LRRC49: variants seen among roughly 807,000 people sequenced by gnomAD.
LRRC49 encodes the protein leucine-rich repeat-containing protein 49.
A neutral mutation model predicts 83.3 loss-of-function variants in LRRC49; 50 were observed. The observed-to-expected ratio is 0.60, with a 90% confidence interval of 0.48 to 0.76. LRRC49 has a LOEUF of 0.76. LRRC49 is among the 30% of genes least tolerant of loss of function. The pLI, the probability that LRRC49 is intolerant of heterozygous loss-of-function variation, is 0.00. For missense variants in LRRC49, 704 were observed against 809.1 expected (o/e 0.87, Z 1.58); for synonymous variants, 286 against 283.3 (o/e 1.01, Z -0.10).
chr15:70,889,978 TCA>T (rs1299941677), upstream of LRRC49, among the ~76,000 whole-genome samples: 1 of 152,212 alleles, frequency 6.6e-6, no homozygotes, highest in African/African-American at 2.4e-5. Context: ...ATTTTAGAAC[TCA>T]CAGTTTTCTA....
chr15:70,976,343 G>GA (rs541586966), intron 9 of LRRC49, among the ~76,000 whole-genome samples: 26 of 152,230 alleles, frequency 1.7e-4, no homozygotes, highest in Non-Finnish European at 2.4e-4. Flanking sequence ...CTCTTTGAGG[G>GA]AAAAAACCCT....
chr15:70,922,150 A>G (rs982152549), intron 7 of LRRC49, among the ~76,000 whole-genome samples: 10 of 152,194 alleles, frequency 6.6e-5, no homozygotes, highest in Non-Finnish European at 1.0e-4. Context: ...TTGAGCTACC[A>G]TATGATCCAG....
chr15:71,019,640 C>A (rs1267661938), intron 14 of LRRC49, among the ~76,000 whole-genome samples: 2 of 152,294 alleles, frequency 1.3e-5, no homozygotes, highest in East Asian at 1.9e-4. Flanking sequence ...CTCTTCTCCC[C>A]ACTCAGGAAT....
chr15:70,944,142 C>A (rs2035922640), intron 8 of LRRC49, among the ~76,000 whole-genome samples: 1 of 152,118 alleles, frequency 6.6e-6, no homozygotes, highest in African/African-American at 2.4e-5. Context: ...GCCTCTAGTA[C>A]ATGAGAGAAA....
At chr15:70,859,442 G>T in intron 1 of LRRC49, 1 of 728,110 alleles carries the variant, frequency 1.4e-6, no homozygotes, top group South Asian at 1.4e-5. Flanking sequence ...GGACATATCT[G>T]TGGTGCTGTC....
At position 70,853,952 on chromosome 15, in the gene LRRC49, G is replaced by A. The variant is rs2032569165; in HGVS notation, c.-299+483G>A. On this transcript the variant is annotated intron_variant, in intron 1 of 16. Transcript: ENST00000544974. ...CCAGCCGGGGCTGAGGTACCGGGCC[G>A]GGTCCCCGGCGCCCCGAGTCTCCGC... is the stretch of plus-strand genomic sequence containing the variant. 3 of 1,450,570 alleles carry A rather than the reference G, an allele frequency of 2.1e-6. No individual in the cohort carries two copies. The African/African-American group carries it at 4.4e-5, about 21-fold the overall frequency. 89.9% of individuals were successfully genotyped at this position (1,450,570 alleles called of 1,614,324 possible). A position where few individuals can be genotyped will look rare whatever the true frequency, so the allele number is the denominator to read the frequency against.
At chr15:70,887,745 T>C (rs2033448780), upstream of LRRC49, among the ~76,000 whole-genome samples, 1 of 152,190 alleles carries the variant, frequency 6.6e-6, no homozygotes, top group African/African-American at 2.4e-5. Flanking sequence ...TTCAAGCCAG[T>C]GCAACAGGAA....
Position 71,021,348 on chromosome 15 carries a change from C to A in LRRC49, c.1703+8435C>A, listed in dbSNP as rs1934796399. Among the ~76,000 whole-genome samples the A allele has an allele frequency of 2.0e-5, 3 of 152,102 alleles. No individual in the cohort carries two copies. In the South Asian group the frequency reaches 6.2e-4, roughly 32 times the overall value. On this transcript the variant is annotated intron_variant, in intron 14 of 15. Coordinates refer to ENST00000260382, the MANE Select transcript of LRRC49 (RefSeq NM_017691.5). Reference sequence around the variant, plus strand: ...TAGATATTAGTGGGTTAATGTTGTTCATGTTGTAATTTCTATGGTAACCAA... The same window carrying A: ...TAGATATTAGTGGGTTAATGTTGTTAATGTTGTAATTTCTATGGTAACCAA...
intron 3 of LRRC49, among the ~76,000 whole-genome samples, chr15:70,897,453 A>G: frequency 6.6e-6 from 1 of 152,160 alleles, no homozygotes; most frequent in East Asian, 1.9e-4. Context: ...GTTACTTTCA[A>G]TGTGCTCCCT....
chr15:70,860,141 C>T, intron 1 of LRRC49: 1 of 696,176 alleles, frequency 1.4e-6, no homozygotes, highest in South Asian at 1.6e-5. Flanking sequence ...TGTCCAAGTC[C>T]TCTGACATCC....
intron 8 of LRRC49, among the ~76,000 whole-genome samples, chr15:70,958,481 A>G (rs1238539079): frequency 6.6e-6 from 1 of 152,110 alleles, no homozygotes; most frequent in African/African-American, 2.4e-5. Context: ...GAAATAAAAC[A>G]TTGCCTTCAG....
Position 70,893,450 on chromosome 15 carries a change from A to G in LRRC49, c.49-134A>G, listed in dbSNP as rs2033675409. On this transcript the variant is annotated intron_variant, in intron 1 of 15. Coordinates refer to ENST00000260382, the MANE Select transcript of LRRC49 (RefSeq NM_017691.5). ...GTTTTCAGCAAATCCTCAGAACAAG[A>G]TCATTTACCAGAAACAGAAATAGAG... 3.9e-5 allele frequency: 26 copies of G among 666,244 alleles called. No homozygotes were observed. In the South Asian group the frequency reaches 4.5e-4, roughly 11 times the overall value. 41.3% of individuals were successfully genotyped at this position (666,244 alleles called of 1,614,324 possible). A position where few individuals can be genotyped will look rare whatever the true frequency, so the allele number is the denominator to read the frequency against.
chr15:70,947,230 A>G (rs886928793), intron 8 of LRRC49, among the ~76,000 whole-genome samples: 1 of 152,180 alleles, frequency 6.6e-6, no homozygotes, highest in Non-Finnish European at 1.5e-5. Flanking sequence ...TTTTACCTCA[A>G]TAGTGATAGC....
intron 2 of LRRC49, among the ~76,000 whole-genome samples, chr15:70,876,164 A>G (rs1324320212): frequency 6.6e-6 from 1 of 152,214 alleles, no homozygotes; most frequent in African/African-American, 2.4e-5. Context: ...TTCAACGATC[A>G]CTTTCATGTA....
chr15:70,933,188 AGAT>A (rs1490899225), intron 7 of LRRC49, among the ~76,000 whole-genome samples: 2 of 152,220 alleles, frequency 1.3e-5, no homozygotes, highest in East Asian at 3.8e-4. Flanking sequence ...ATTTTTTAAA[AGAT>A]TATATTTTCC....
chr15:70,986,222 A>G (rs920564618), intron 11 of LRRC49, among the ~76,000 whole-genome samples: 8 of 152,068 alleles, frequency 5.3e-5, no homozygotes, highest in East Asian at 1.9e-4. Flanking sequence ...AATTACCTTG[A>G]GCAGTATGGC....
At chr15:70,984,049 A>G (rs1030859995) in intron 10 of LRRC49, 45 bp from the exon 11 acceptor site, 26 of 1,523,786 alleles carry the variant, frequency 1.7e-5, no homozygotes, top group Admixed American at 6.8e-5. Flanking sequence ...CTTCTGCTAC[A>G]AAAATTGCAT....
upstream of LRRC49, chr15:70,892,697 GCT>G (rs1019692447): frequency 5.5e-6 from 8 of 1,459,940 alleles, no homozygotes; most frequent in African/African-American, 1.1e-4. Context: ...GACGCACTGG[GCT>G]CTCACGAATA....
At chr15:70,906,260 C>A (rs1366015000) in intron 5 of LRRC49, among the ~76,000 whole-genome samples, 1 of 151,866 alleles carries the variant, frequency 6.6e-6, no homozygotes, top group African/African-American at 2.4e-5. Flanking sequence ...CCATGCCCAG[C>A]TAATTTTTGT....
Sources: allele counts gnomAD v4.1 joint callset (sites outside exome capture counted in the v4.1 genomes callset), GRCh38; gene constraint gnomAD v4.1.1; transcripts MANE v1.5; gene names NCBI Gene and HGNC (gene_info 2026-07-23, HGNC 2026-07-21).